SPIRE2: variants seen among roughly 807,000 people sequenced by gnomAD.
SPIRE2 encodes spire type actin nucleation factor 2, also known as protein spire homolog 2.
A neutral mutation model predicts 80.7 loss-of-function variants in SPIRE2; 76 were observed. That is an observed-to-expected ratio of 0.94 (90% CI 0.78 to 1.14). SPIRE2 has a LOEUF of 1.14. Ranked by LOEUF, SPIRE2 falls within the 50% of genes most tolerant of loss-of-function variation. SPIRE2 has a pLI of 0.00. For synonymous variants in SPIRE2, 535 were observed against 432.6 expected (o/e 1.24, Z -2.94); for missense variants, 1,196 against 1,015.3 (o/e 1.18, Z -2.42).
At chr16:89,845,443 A>G in intron 2 of SPIRE2, 78 bp downstream of exon 2, 1 of 1,289,560 alleles carries the variant, frequency 7.8e-7, no homozygotes, top group Non-Finnish European at 1.1e-6. Flanking sequence ...ATCATAAAAC[A>G]TATATAGTTA....
intron 10 of SPIRE2, among the ~76,000 whole-genome samples, chr16:89,861,343 T>A (rs1420124436): frequency 6.6e-6 from 1 of 152,180 alleles, no homozygotes; most frequent in Non-Finnish European, 1.5e-5. Flanking sequence ...GTTGGAGGGA[T>A]GTGAACGGTG....
rs2041689985 is a variant in SPIRE2 at position 89,856,186 on chromosome 16, A to T, written c.1052A>T (p.Lys351Met). The change falls in exon 7 of 15, where the codon AAG becomes ATG. Residue 351 changes from lysine (K) to methionine (M), a missense_variant. Transcript: ENST00000378247. ...SLHEKILEEI[K>M]QERRLRPVRG... The stretch of plus-strand genomic sequence containing the variant: ...CATGAGAAGATCCTGGAGGAGATCA[A>T]GCAGGAGCGGAGGCTGCGCCCGGTG... The T allele has an allele frequency of 2.5e-6, 4 of 1,606,588 alleles. No individual in the cohort carries two copies. Among genetic ancestry groups the T allele is most frequent in the Non-Finnish European group, 1.7e-6 (2 of 1,177,336 alleles).
chr16:89,863,904 G>A lies in SPIRE2; in HGVS notation c.1778+43G>A, dbSNP rs2143826553. 3 of 1,529,438 alleles carry A rather than the reference G, an allele frequency of 2.0e-6. No individual in the cohort carries two copies. Among genetic ancestry groups the A allele is most frequent in the Non-Finnish European group, 2.7e-6 (3 of 1,111,140 alleles). 94.7% of individuals were successfully genotyped at this position (1,529,438 alleles called of 1,614,324 possible). ...CTGTCAGTTCACAAGGGAAGGAGGA[G>A]GCGAGAAACCTCGGGGCAGTACCGC... On this transcript the variant is annotated intron_variant, in intron 12 of 14. Transcript: ENST00000378247. This position sits in a 1 kb window ranked among gnomAD's most constrained non-coding sequence, Gnocchi z 4.3.
At chr16:89,855,841 G>C in intron 6 of SPIRE2, 155 bp downstream of exon 6, 4 of 909,420 alleles carry the variant, frequency 4.4e-6, no homozygotes, top group Non-Finnish European at 6.6e-6. Flanking sequence ...GCTTCCTCTT[G>C]CCTGTGTGCC....
At chr16:89,833,544 C>T (rs961220853) in intron 1 of SPIRE2, among the ~76,000 whole-genome samples, 2 of 152,240 alleles carry the variant, frequency 1.3e-5, no homozygotes, top group African/African-American at 4.8e-5. Flanking sequence ...CCCTGCTGGG[C>T]TCAGGGGCAG....
At chr16:89,869,053 A>AAAAAATATATATATATATATATATATAT in intron 13 of SPIRE2, among the ~76,000 whole-genome samples, 2 of 24,026 alleles carry the variant, frequency 8.3e-5, no homozygotes, top group African/African-American at 3.3e-4. Context: ...AAAAAAAAAA[A>AAAAAATATATATATATATATATATATAT]ATATATATAT....
At chr16:89,866,799 C>T (rs569905051) in intron 12 of SPIRE2, among the ~76,000 whole-genome samples, 110 of 151,116 alleles carry the variant, frequency 7.3e-4, no homozygotes, top group African/African-American at 2.6e-3. Flanking sequence ...CTAGTAGAGA[C>T]GGGGTTTCAC....
At chr16:89,859,676 T>C (rs1171699254) in intron 9 of SPIRE2, among the ~76,000 whole-genome samples, 4 of 152,174 alleles carry the variant, frequency 2.6e-5, no homozygotes, top group Non-Finnish European at 5.9e-5. Context: ...TCTAGTCCTC[T>C]GGGAAGGGAG....
At chr16:89,835,570 C>T (rs1311660768) in intron 1 of SPIRE2, among the ~76,000 whole-genome samples, 1 of 152,146 alleles carries the variant, frequency 6.6e-6, no homozygotes, top group Non-Finnish European at 1.5e-5. Context: ...GGTTTGCAGC[C>T]CATTTAAGCA....
intron 1 of SPIRE2, among the ~76,000 whole-genome samples, chr16:89,843,698 GTTT>G (rs568062812): frequency 0.078 from 1,418 of 18,106 alleles, 31 homozygotes; most frequent in African/African-American, 0.27. Context: ...TTTGTTTTTT[GTTT>G]TTTTTTTTTT....
intron 9 of SPIRE2, among the ~76,000 whole-genome samples, chr16:89,859,821 G>T (rs1173398483): frequency 2.0e-5 from 3 of 152,082 alleles, no homozygotes; most frequent in African/African-American, 7.2e-5. Flanking sequence ...TCCTACCACC[G>T]TGAGGGCTGA....
chr16:89,870,340 C>A lies in SPIRE2; in HGVS notation c.*68C>A. The A allele has an allele frequency of 1.1e-6, 1 of 921,090 alleles. No individual in the cohort carries two copies. Among genetic ancestry groups the A allele is most frequent in the South Asian group, 1.4e-5 (1 of 69,446 alleles). 57.1% of individuals were successfully genotyped at this position (921,090 alleles called of 1,614,324 possible). On this transcript the variant is annotated 3_prime_UTR_variant, in exon 15 of 15. Transcript: ENST00000378247. ...CTGTATCAGGCTAGGACGCTCTGAG[C>A]TGTGCATGTACATATATACATATAT...
chr16:89,834,615 C>T (rs1598216239), intron 1 of SPIRE2, among the ~76,000 whole-genome samples: 1 of 116,600 alleles, frequency 8.6e-6, no homozygotes, highest in African/African-American at 3.2e-5. Context: ...AACCTGCCCG[C>T]ACTCGCGGTT....
intron 9 of SPIRE2, among the ~76,000 whole-genome samples, chr16:89,860,281 C>T (rs1386180683): frequency 1.3e-5 from 2 of 152,116 alleles, no homozygotes; most frequent in African/African-American, 4.8e-5. Context: ...CTTTTTGAGA[C>T]AAGGTCTTGC....
At chr16:89,849,170 G>A (rs964450944) in intron 2 of SPIRE2, among the ~76,000 whole-genome samples, 4 of 152,254 alleles carry the variant, frequency 2.6e-5, no homozygotes, top group African/African-American at 9.6e-5. Context: ...GGGCCCCCCT[G>A]CAGGGCCACT....
chr16:89,831,373 G>C (rs2041379585), intron 1 of SPIRE2, among the ~76,000 whole-genome samples: 1 of 148,654 alleles, frequency 6.7e-6, no homozygotes, highest in Non-Finnish European at 1.5e-5. Context: ...TGTCAACTTT[G>C]GATGCTAAAC....
chr16:89,862,667 G>A (rs2041754790), intron 10 of SPIRE2: 2 of 152,466 alleles, frequency 1.3e-5, no homozygotes, highest in Non-Finnish European at 2.9e-5. Flanking sequence ...TCAGGTCAGA[G>A]GAAGGAAGGA....
rs756896255 is a variant in SPIRE2 at position 89,863,444 on chromosome 16, T to C, written c.1576-32T>C. The C allele has an allele frequency of 3.0e-5, 48 of 1,613,266 alleles. No homozygotes were observed. The South Asian group carries it at 5.2e-4, about 17-fold the overall frequency. On this transcript the variant is annotated intron_variant, in intron 10 of 14. Transcript: ENST00000378247. This position sits in a 1 kb window ranked among gnomAD's most constrained non-coding sequence, Gnocchi z 4.3. ...GAGTAAGCTAGGGGAGCCTCCTGCA[T>C]AGAAGACTTCCTACCTGAGGCCGTC...
chr16:89,864,055 T>G (rs1483305172), intron 12 of SPIRE2, among the ~76,000 whole-genome samples, 194 bp downstream of exon 12: 2 of 152,168 alleles, frequency 1.3e-5, no homozygotes, highest in Non-Finnish European at 2.9e-5. Context: ...TAAATTTAAA[T>G]AGCTAAGCAA....
Sources: allele counts gnomAD v4.1 joint callset (sites outside exome capture counted in the v4.1 genomes callset), GRCh38; gene constraint gnomAD v4.1.1; non-coding constraint Gnocchi (gnomAD v3.1); transcripts MANE v1.5; gene names NCBI Gene and HGNC (gene_info 2026-07-23, HGNC 2026-07-21).